Variants in RPH3AL observed in about 807,000 individuals in gnomAD.
RPH3AL encodes rab effector Noc2.
In RPH3AL, 38 loss-of-function variants were observed where a neutral mutation model predicts 43.1. That is an observed-to-expected ratio of 0.88 (90% CI 0.68 to 1.15). The LOEUF (loss-of-function observed/expected upper bound fraction) is 1.15, where lower values mean the gene tolerates loss of function less well. RPH3AL is among the 50% of genes most tolerant of loss of function. RPH3AL has a pLI of 0.00. For missense variants in RPH3AL, 462 were observed against 423.2 expected (o/e 1.09, Z -0.81); for synonymous variants, 189 against 176.3 (o/e 1.07, Z -0.57).
rs185264617 is a variant in RPH3AL, at chr17:321,067, G to T, written c.221+205C>A. Among the ~76,000 whole-genome samples the T allele has an allele frequency of 2.6e-4, 39 of 152,330 alleles. No homozygotes were observed. The Middle Eastern group carries it at 0.01, about 40-fold the overall frequency. On this transcript the variant is annotated intron_variant, in intron 4 of 9. Coordinates refer to ENST00000331302, the MANE Select transcript of RPH3AL (RefSeq NM_006987.4). Reference sequence around the variant, plus strand: ...GCTAGCAGCCCCGTCTCACAGAGGGGTGTCCTGAGGCCTCAGCGGGCTGGG... The same window carrying T: ...GCTAGCAGCCCCGTCTCACAGAGGGTTGTCCTGAGGCCTCAGCGGGCTGGG...
At chr17:334,354 C>A (rs1405456108) in intron 1 of RPH3AL, among the ~76,000 whole-genome samples, 1 of 152,256 alleles carries the variant, frequency 6.6e-6, no homozygotes, top group East Asian at 1.9e-4. Context: ...GGCAAAACAA[C>A]CTGCCTCAGA....
intron 7 of RPH3AL, among the ~76,000 whole-genome samples, chr17:241,711 CTTTTTTTTTCT>C (rs2041539430): frequency 1.1e-5 from 1 of 92,766 alleles, no homozygotes; most frequent in Non-Finnish European, 2.2e-5. Context: ...GTTTCTTTTT[CTTTTTTTTTCT>C]TTTTTTTTTT....
intron 5 of RPH3AL, among the ~76,000 whole-genome samples, chr17:314,508 C>G (rs1456146524): frequency 1.4e-5 from 2 of 141,412 alleles, no homozygotes; most frequent in Non-Finnish European, 3.1e-5. Flanking sequence ...ACTCCACGTC[C>G]ATTGACCTGT....
intron 7 of RPH3AL, among the ~76,000 whole-genome samples, chr17:228,294 C>T (rs540016900): frequency 5.3e-5 from 8 of 152,170 alleles, no homozygotes; most frequent in Non-Finnish European, 1.2e-4. Context: ...CCTCCCGCCT[C>T]GGTCTCCCAA....
At chr17:315,233 TTCATTCACCTGTAGTCCCTGTGCCC>T (rs1555519626) in intron 5 of RPH3AL, among the ~76,000 whole-genome samples, 3 of 108,222 alleles carry the variant, frequency 2.8e-5, no homozygotes, top group African/African-American at 3.6e-5. Context: ...TGCCCCCACC[TTCATTCACCTGTAGTCCCTGTGCCC>T]CCACCTCCAT....
intron 5 of RPH3AL, among the ~76,000 whole-genome samples, chr17:314,248 G>C (rs2043757656): frequency 6.6e-6 from 1 of 152,158 alleles, no homozygotes; most frequent in African/African-American, 2.4e-5. Flanking sequence ...ATTTACCACA[G>C]GCCAGGCTCT....
At position 246,253 on chromosome 17, in the gene RPH3AL, C is replaced by T. The variant is rs1043755337; in HGVS notation, c.613+858G>A. 9.2e-5 allele frequency among the ~76,000 whole-genome samples: 14 copies of T among 152,098 alleles called. No individual in the cohort carries two copies. The highest frequency in any genetic ancestry group is 2.4e-4 in the African/African-American group (10 of 41,412). On this transcript the variant is annotated intron_variant, in intron 7 of 9. Coordinates refer to ENST00000331302, the MANE Select transcript of RPH3AL (RefSeq NM_006987.4). The surrounding 1 kb of genome is among the most constrained non-coding windows in gnomAD (Gnocchi z 4.8). ...TGTGATGGGTCCACTTCCTCCAAGA[C>T]GAGCCATGATCCGAACGAGCCTCCC...
At chr17:216,421 A>C (rs979625227) in intron 8 of RPH3AL, among the ~76,000 whole-genome samples, 22 of 129,248 alleles carry the variant, frequency 1.7e-4, no homozygotes, top group African/African-American at 6.5e-4. Flanking sequence ...AATGAGAGAG[A>C]GATGTTGACT....
At chr17:293,590 A>C (rs1171928553) in intron 5 of RPH3AL, among the ~76,000 whole-genome samples, 1 of 152,152 alleles carries the variant, frequency 6.6e-6, no homozygotes, top group Non-Finnish European at 1.5e-5. Context: ...CCGGCAGGAC[A>C]CGGGAAACAG....
chr17:314,202 G>A (rs1252935735), intron 5 of RPH3AL, among the ~76,000 whole-genome samples: 3 of 152,164 alleles, frequency 2.0e-5, no homozygotes, highest in South Asian at 2.1e-4. Flanking sequence ...AGTGGGCCAG[G>A]ATCTGTGCCT....
Position 264,439 on chromosome 17 carries a change from T to C in RPH3AL, c.439-17154A>G, listed in dbSNP as rs2042275196. Among the ~76,000 whole-genome samples, 1 of 121,032 alleles carries C rather than the reference T, an allele frequency of 8.3e-6. No individual in the cohort carries two copies. Among genetic ancestry groups the C allele is most frequent in the South Asian group, 3.1e-4 (1 of 3,216 alleles). 79.4% of individuals were successfully genotyped at this position (121,032 alleles called of 152,430 possible). On this transcript the variant is annotated intron_variant, in intron 6 of 9. Transcript: ENST00000331302. The surrounding 1 kb of genome is among the most constrained non-coding windows in gnomAD (Gnocchi z 4.8). ...ATGGGGACTCAGAATCTGCAGCATG[T>C]TGACAGCAGGATTACCCTTCGGAGC...
At chr17:248,808 T>C (rs1439651962) in intron 6 of RPH3AL, among the ~76,000 whole-genome samples, 4 of 152,212 alleles carry the variant, frequency 2.6e-5, no homozygotes, top group African/African-American at 9.6e-5. Flanking sequence ...ATTAAATTGA[T>C]GAAACATGAT....
intron 5 of RPH3AL, among the ~76,000 whole-genome samples, chr17:293,871 A>G (rs961184166): frequency 6.6e-6 from 1 of 152,078 alleles, no homozygotes; most frequent in Non-Finnish European, 1.5e-5. Context: ...TCTACTAAAA[A>G]TACAAAAATT....
intron 5 of RPH3AL, among the ~76,000 whole-genome samples, chr17:308,777 C>T (rs1297297068): frequency 6.6e-6 from 1 of 152,176 alleles, no homozygotes; most frequent in Non-Finnish European, 1.5e-5. Flanking sequence ...TCGGCCCACA[C>T]TTTGAGTAGC....
At chr17:335,421 T>G (rs1305148463) in intron 1 of RPH3AL, among the ~76,000 whole-genome samples, 1 of 152,088 alleles carries the variant, frequency 6.6e-6, no homozygotes, top group East Asian at 1.9e-4. Flanking sequence ...CAGGGGTGGC[T>G]GGTGCCCTCT....
At chr17:316,440 T>A (rs1488020185) in intron 5 of RPH3AL, among the ~76,000 whole-genome samples, 1 of 142,820 alleles carries the variant, frequency 7.0e-6, no homozygotes, top group Non-Finnish European at 1.5e-5. Flanking sequence ...TGACCTGTAG[T>A]CTCTGTGCTC....
At chr17:352,227 C>T (rs140781434) in intron 1 of RPH3AL, among the ~76,000 whole-genome samples, 76 of 152,314 alleles carry the variant, frequency 5.0e-4, no homozygotes, top group African/African-American at 1.8e-3. Flanking sequence ...CAGCATAACA[C>T]GCAATACAAA....
chr17:281,783 G>A lies in RPH3AL; in HGVS notation c.423C>T (p.Cys141=), dbSNP rs1346212999. 6.2e-7 allele frequency: 1 copy of A among 1,613,504 alleles called. No individual in the cohort carries two copies. ...QKRPLWLCKI[C]SEQREVWKRS... The stretch of plus-strand genomic sequence containing the variant: ...GACGCCCTACCTCTCTTTGCTCACT[G>A]CAGATCTTACACAGCCACAGGGGCC... Residue 141 remains cysteine, a synonymous_variant, in exon 6 of 10, where the codon TGC becomes TGT. Transcript: ENST00000331302.
chr17:268,314 C>A (rs140514572), intron 6 of RPH3AL, among the ~76,000 whole-genome samples: 3 of 152,118 alleles, frequency 2.0e-5, no homozygotes, highest in African/African-American at 4.8e-5. Context: ...AAGACCTTCA[C>A]GATGACCCAC....
Sources: gnomAD v4.1 joint callset for allele counts (sites outside exome capture counted in the v4.1 genomes callset) on GRCh38, gnomAD v4.1.1 for gene constraint, Gnocchi (gnomAD v3.1) non-coding constraint, MANE v1.5 for transcripts, NCBI Gene and HGNC (gene_info 2026-07-23, HGNC 2026-07-21) for gene names.